MRPL40: variants seen among roughly 807,000 people sequenced by gnomAD.
The protein encoded by MRPL40 is large ribosomal subunit protein mL40.
In MRPL40, 18 loss-of-function variants were observed where a neutral mutation model predicts 24.5. The observed-to-expected ratio is 0.73, with a 90% CI of 0.51 to 1.09. The LOEUF (loss-of-function observed/expected upper bound fraction) is 1.09. Ranked by LOEUF, MRPL40 falls within the 50% of genes least tolerant of loss-of-function variation. The pLI is 0.00. For missense variants in MRPL40, 256 were observed against 243.8 expected (o/e 1.05, Z -0.33); for synonymous variants, 108 against 94.6 (o/e 1.14, Z -0.82).
chr22:19,434,615 G>A, intron 2 of MRPL40, 121 bp from the exon 3 acceptor site: 1 of 734,216 alleles, frequency 1.4e-6, no homozygotes, highest in Non-Finnish European at 2.2e-6. Context: ...GAGCTCATGA[G>A]TTAGTCATGC....
At chr22:19,433,435 T>C (rs1353707593) in intron 2 of MRPL40, 87 bp downstream of exon 2, 5 of 784,328 alleles carry the variant, frequency 6.4e-6, no homozygotes, top group South Asian at 3.0e-5. Flanking sequence ...GATGTGTGGT[T>C]TGCAAAATTA....
chr22:19,434,466 G>T (rs9618570), intron 2 of MRPL40, among the ~76,000 whole-genome samples: 1 of 151,444 alleles, frequency 6.6e-6, no homozygotes, highest in South Asian at 2.1e-4. Context: ...TGGGCAATCT[G>T]CCCGCCTTTG....
At chr22:19,434,602 G>A (rs908886124) in intron 2 of MRPL40, 134 bp from the exon 3 acceptor site, 8 of 658,174 alleles carry the variant, frequency 1.2e-5, no homozygotes, top group African/African-American at 5.5e-5. Flanking sequence ...TCCTCACCAC[G>A]CTGAGCTCAT....
intron 3 of MRPL40, 128 bp downstream of exon 3, chr22:19,435,022 G>A: frequency 2.6e-6 from 2 of 780,860 alleles, no homozygotes; most frequent in East Asian, 2.5e-5. Context: ...TGGCCCTAAT[G>A]AGTCCTTGCT....
At chr22:19,433,198 T>G (rs1246056806) in intron 1 of MRPL40, 67 bp from the exon 2 acceptor site, 1 of 1,119,464 alleles carries the variant, frequency 8.9e-7, no homozygotes, top group Non-Finnish European at 1.4e-6. Context: ...GTGCTGGGAT[T>G]ACAGACGTGA....
In MRPL40 at chr22:19,433,245, C is replaced by T. The variant is rs758658711; in HGVS notation, c.54-20C>T. The T allele has an allele frequency of 3.2e-6, 5 of 1,557,538 alleles. No homozygotes were observed. In the South Asian group the frequency reaches 3.3e-5, roughly 10 times the overall value. On this transcript the variant is annotated intron_variant, in intron 1 of 3. Coordinates refer to ENST00000333130, the MANE Select transcript of MRPL40 (RefSeq NM_003776.4). ...TAGCCTGGAGAAGCAGATATTTATACATACTCTTGTATCTTTCAGGCTTCT... is the reference window on the plus strand; with the variant it reads ...TAGCCTGGAGAAGCAGATATTTATATATACTCTTGTATCTTTCAGGCTTCT...
chr22:19,432,949 A>G, intron 1 of MRPL40: 1 of 1,065,646 alleles, frequency 9.4e-7, no homozygotes, highest in Non-Finnish European at 1.2e-6. Flanking sequence ...TATTTATTTG[A>G]GACAGAGTCT....
chr22:19,435,324 G>GT (rs1164379335), intron 3 of MRPL40, among the ~76,000 whole-genome samples: 3 of 152,184 alleles, frequency 2.0e-5, no homozygotes, highest in Non-Finnish European at 2.9e-5. Context: ...TCCTGCTGCC[G>GT]TTTTGTAAGC....
At position 19,435,761 on chromosome 22, in the gene MRPL40, A is replaced by G. The variant is rs774182892; in HGVS notation, c.420A>G (p.Leu140=). The change falls in exon 4 of 4, where the codon CTA becomes CTG. Residue 140 remains leucine, a synonymous_variant. Transcript: ENST00000333130. ...AGAGGGACACCATCAGGGCTATGCT[A>G]GAAGCCCAGCAGGAAGCTCTGGAGG... ...KMERDTIRAM[L]EAQQEALEEL... is the part of the protein sequence containing the mutation. 3 of 1,614,202 alleles carry G rather than the reference A, an allele frequency of 1.9e-6. No individual in the cohort carries two copies. The highest frequency in any genetic ancestry group is 1.1e-5 in the South Asian group (1 of 91,084).
rs749632470 is a variant in MRPL40 at position 19,435,620 on chromosome 22, C to T, written c.297-18C>T. The T allele has an allele frequency of 3.8e-6, 6 of 1,599,518 alleles. No individual in the cohort carries two copies. In the East Asian group the frequency reaches 1.1e-4, roughly 30 times the overall value. ...ACTTACATGCCAGTGAGATTGGTAA[C>T]CCTTAGCTTCTTTGCAGAGAGCGGC... is the stretch of plus-strand genomic sequence containing the variant. On this transcript the variant is annotated intron_variant, in intron 3 of 3. Transcript: ENST00000333130.
rs549183622 is a variant in MRPL40 at position 19,435,953 on chromosome 22, T to C, written c.612T>C (p.Phe204=). Residue 204 remains phenylalanine (F), a synonymous_variant, in exon 4 of 4, where the codon TTT becomes TTC. Coordinates refer to ENST00000333130, the MANE Select transcript of MRPL40 (RefSeq NM_003776.4). ...DITKVYTQVE[F]KR ...CCAAGGTGTACACACAAGTGGAGTT[T>C]AAGAGATAGACTTGCAGGCTGCTAT... The C allele has an allele frequency of 1.9e-6, 3 of 1,612,516 alleles. No individual in the cohort carries two copies. Among genetic ancestry groups the C allele is most frequent in the African/African-American group, 2.7e-5 (2 of 75,026 alleles).
intron 2 of MRPL40, 58 bp downstream of exon 2, chr22:19,433,406 G>C: frequency 1.9e-6 from 2 of 1,077,188 alleles, no homozygotes; most frequent in Non-Finnish European, 2.9e-6. Flanking sequence ...TATGTGTAGA[G>C]AACAAAGCAA....
intron 2 of MRPL40, 78 bp from the exon 3 acceptor site, chr22:19,434,658 G>A: frequency 8.2e-7 from 1 of 1,215,108 alleles, no homozygotes; most frequent in Non-Finnish European, 1.1e-6. Flanking sequence ...AGGTCAGTAT[G>A]GGGTACTTAC....
In MRPL40 at chr22:19,435,667, A is replaced by G; in HGVS notation, c.326A>G (p.Glu109Gly). 6.2e-7 allele frequency: 1 copy of G among 1,613,994 alleles called. No homozygotes were observed. ...RERPQVELTF[E>G]ETERRALLLK... Reference sequence around the variant, plus strand: ...CGGCCTCAGGTGGAGCTCACCTTTGAGGAGACTGAGAGGAGAGCTCTGCTT... The same window carrying G: ...CGGCCTCAGGTGGAGCTCACCTTTGGGGAGACTGAGAGGAGAGCTCTGCTT... Residue 109 changes from glutamate (E) to glycine (G), a missense_variant, in exon 4 of 4, where the codon GAG becomes GGG. Glu to Gly is a moderately conservative substitution (Grantham distance 98). Transcript: ENST00000333130.
chr22:19,433,160 C>G (rs1206384129), intron 1 of MRPL40, 105 bp from the exon 2 acceptor site: 5 of 704,128 alleles, frequency 7.1e-6, no homozygotes, highest in Non-Finnish European at 1.2e-5. Flanking sequence ...CTCCTGACCT[C>G]GCGATCCACC....
intron 3 of MRPL40, 60 bp downstream of exon 3, chr22:19,434,954 T>C (rs763862751): frequency 9.9e-6 from 14 of 1,409,428 alleles, no homozygotes; most frequent in Non-Finnish European, 1.4e-5. Flanking sequence ...CAACTTCAGG[T>C]AGTTGTGTCT....
chr22:19,435,014 G>C (rs2089578160), intron 3 of MRPL40, 120 bp downstream of exon 3: 3 of 834,628 alleles, frequency 3.6e-6, no homozygotes, highest in Non-Finnish European at 5.7e-6. Context: ...AGCTGACTTG[G>C]CCCTAATGAG....
intron 3 of MRPL40, 104 bp downstream of exon 3, chr22:19,434,998 G>A: frequency 4.8e-6 from 5 of 1,045,654 alleles, no homozygotes; most frequent in Non-Finnish European, 7.0e-6. Context: ...TTGGTCAGTA[G>A]GCTTGAGCTG....
chr22:19,434,754 A>C lies in MRPL40; in HGVS notation c.156A>C (p.Lys52Asn). The part of the protein sequence containing the change: ...LIPMRSEPLR[K>N]KKKVDPKKDQ... ...CTATTAGATCAGAACCTCTTCGAAA[A>C]AAGAAGAAGGTAGATCCTAAAAAAG... The change falls in exon 3 of 4, where the codon AAA becomes AAC. Residue 52 changes from lysine to asparagine, a missense_variant. By Grantham distance (94) the Lys-to-Asn change is moderately conservative. Transcript: ENST00000333130. 1.3e-6 allele frequency: 2 copies of C among 1,589,926 alleles called. No homozygotes were observed. Among genetic ancestry groups the C allele is most frequent in the Non-Finnish European group, 1.7e-6 (2 of 1,174,096 alleles).
Sources: allele counts gnomAD v4.1 joint callset (sites outside exome capture counted in the v4.1 genomes callset), GRCh38; gene constraint gnomAD v4.1.1; transcripts MANE v1.5; gene names NCBI Gene and HGNC (gene_info 2026-07-23, HGNC 2026-07-21).